Variants in KCNK13 observed in about 807,000 individuals in gnomAD.
The protein encoded by KCNK13 is potassium two pore domain channel subfamily K member 13, also known as potassium channel subfamily K member 13.
Under a neutral mutation model 23.4 loss-of-function variants are expected in KCNK13, and 12 were observed. The ratio of observed to expected loss-of-function variants is 0.51; its 90% CI spans 0.33 to 0.83. The LOEUF (loss-of-function observed/expected upper bound fraction) is 0.83, where lower values mean the gene tolerates loss of function less well. Ranked by LOEUF, KCNK13 falls within the 40% of genes least tolerant of loss-of-function variation. The probability of loss-of-function intolerance (pLI) is 0.02; values close to 1 mark genes in which losing one functional copy is unlikely to be tolerated. For missense variants in KCNK13, 463 were observed against 556.3 expected (o/e 0.83, Z 1.69); for synonymous variants, 231 against 229.5 (o/e 1.01, Z -0.06).
rs1437075761 is a variant in KCNK13 at position 90,184,102 on chromosome 14, C to T, written c.335-9C>T. 6.2e-7 allele frequency: 1 copy of T among 1,606,738 alleles called. No individual in the cohort carries two copies. Reference sequence around the variant, plus strand: ...TCTCTTACTCTTCTCTCATTTTTCTCTCCTGCAGGGTTTGGGATGACAACT... The same window carrying T: ...TCTCTTACTCTTCTCTCATTTTTCTTTCCTGCAGGGTTTGGGATGACAACT... On this transcript the variant is annotated splice_polypyrimidine_tract_variant and intron_variant, in intron 1 of 1. Transcript: ENST00000282146. The surrounding 1 kb of genome is among the most constrained non-coding windows in gnomAD (Gnocchi z 5.6).
rs1889095592 is a variant in KCNK13 at position 90,073,132 on chromosome 14, G to A, written c.334+10593G>A. On this transcript the variant is annotated intron_variant, in intron 1 of 1. Transcript: ENST00000282146. The stretch of plus-strand genomic sequence containing the variant: ...CCTTTAGGGTCCTCGTTGTGGGAAG[G>A]ATCGCCAGTTAAAGTGACCACGTGT... Among the ~76,000 whole-genome samples the A allele has an allele frequency of 1.3e-5, 2 of 152,120 alleles. 1 individual carries two copies. The highest frequency in any genetic ancestry group is 4.8e-5 in the African/African-American group (2 of 41,412).
Position 90,175,455 on chromosome 14 carries a change from C to T in KCNK13, c.335-8656C>T, listed in dbSNP as rs78088164. ...CCCTGCCCTCAATTGGAGGCTGTTC[C>T]TTAAAAATCAAACAGGTTCAACAGC... On this transcript the variant is annotated intron_variant, in intron 1 of 1. Transcript: ENST00000282146. Among the ~76,000 whole-genome samples, 736 of 152,284 alleles carry T rather than the reference C, an allele frequency of 4.8e-3. 8 individuals carry two copies. The highest frequency in any genetic ancestry group is 0.016 in the African/African-American group (684 of 41,558).
Position 90,143,170 on chromosome 14 carries a change from TC to T in KCNK13, c.335-40940del, listed in dbSNP as rs1566644725. ...AACTTTCTTTCTTTCTTTCTTTCTT[TC>T]TTTCTTTTCTTTTCTTTTCTTTCTT... On this transcript the variant is annotated intron_variant, in intron 1 of 1. Coordinates refer to ENST00000282146, the MANE Select transcript of KCNK13 (RefSeq NM_022054.4). Among the ~76,000 whole-genome samples, 12 of 5,498 alleles carry T rather than the reference TC, an allele frequency of 2.2e-3. 1 individual carries two copies. The South Asian group carries it at 0.05, about 23-fold the overall frequency. The allele number at this position is 5,498 out of a possible 152,430, so 3.6% of individuals were successfully genotyped here. A position where few individuals can be genotyped will look rare whatever the true frequency, so the allele number is the denominator to read the frequency against.
At chr14:90,103,876 G>T (rs1260268502) in intron 1 of KCNK13, among the ~76,000 whole-genome samples, 2 of 151,972 alleles carry the variant, frequency 1.3e-5, no homozygotes, top group Admixed American at 6.6e-5. Flanking sequence ...ACAGTTTTTT[G>T]TTGTTGTTGT....
chr14:90,153,149 G>T (rs1825897951), intron 1 of KCNK13, among the ~76,000 whole-genome samples: 1 of 152,132 alleles, frequency 6.6e-6, no homozygotes, highest in African/African-American at 2.4e-5. Flanking sequence ...CTGCCTCCCA[G>T]GGGAAGCCTT....
intron 1 of KCNK13, among the ~76,000 whole-genome samples, chr14:90,183,187 T>A (rs1354391088): frequency 1.3e-5 from 2 of 152,194 alleles, no homozygotes; most frequent in Non-Finnish European, 2.9e-5. Flanking sequence ...ATGTGAACAG[T>A]TAGAGGCAAA....
intron 1 of KCNK13, among the ~76,000 whole-genome samples, chr14:90,172,316 CAAA>C (rs5810487): frequency 5.0e-5 from 7 of 138,926 alleles, no homozygotes; most frequent in African/African-American, 1.6e-4. Context: ...GAGTCTATAT[CAAA>C]AAAAAAAAAA....
chr14:90,180,522 A>G (rs539457844), intron 1 of KCNK13, among the ~76,000 whole-genome samples: 7 of 152,220 alleles, frequency 4.6e-5, no homozygotes, highest in African/African-American at 1.7e-4. Flanking sequence ...CATAAATACC[A>G]CCATTTGTAC....
chr14:90,082,317 G>A (rs1001858235), intron 1 of KCNK13, among the ~76,000 whole-genome samples: 10 of 151,358 alleles, frequency 6.6e-5, no homozygotes, highest in African/African-American at 2.2e-4. Context: ...TGCCTATGTC[G>A]GCCTCCCAAA....
intron 1 of KCNK13, among the ~76,000 whole-genome samples, chr14:90,147,421 T>C: frequency 2.0e-5 from 1 of 49,930 alleles, no homozygotes; most frequent in South Asian, 1.1e-3. Context: ...CTTGTTTTTT[T>C]GGTTGGGATA....
intron 1 of KCNK13, among the ~76,000 whole-genome samples, chr14:90,145,731 G>C (rs1455791173): frequency 6.6e-6 from 1 of 152,114 alleles, no homozygotes; most frequent in African/African-American, 2.4e-5. Context: ...GCCAGGTGTG[G>C]TGGCTCACAC....
Position 90,149,259 on chromosome 14 carries a change from G to A in KCNK13, c.335-34852G>A, listed in dbSNP as rs542922975. On this transcript the variant is annotated intron_variant, in intron 1 of 1. Coordinates refer to ENST00000282146, the MANE Select transcript of KCNK13 (RefSeq NM_022054.4). ...TAGTCCTAGCTACTCGGGAGGCTGA[G>A]GCAGGAGAATCCCTTGAACCTGGGA... Among the ~76,000 whole-genome samples, 10 of 152,268 alleles carry A rather than the reference G, an allele frequency of 6.6e-5. No individual in the cohort carries two copies. The South Asian group carries it at 1.0e-3, about 16-fold the overall frequency.
chr14:90,063,050 A>G (rs1221224283), intron 1 of KCNK13, among the ~76,000 whole-genome samples: 1 of 152,164 alleles, frequency 6.6e-6, no homozygotes, highest in African/African-American at 2.4e-5. Flanking sequence ...GTGAGGAAGC[A>G]AAAGTGCCAA....
intron 1 of KCNK13, among the ~76,000 whole-genome samples, chr14:90,134,360 A>T: frequency 6.6e-6 from 1 of 152,226 alleles, no homozygotes; most frequent in South Asian, 2.1e-4. Context: ...TTGTACGCAG[A>T]GGTAACACTT....
intron 1 of KCNK13, among the ~76,000 whole-genome samples, chr14:90,164,437 A>T (rs1890281398): frequency 1.3e-5 from 2 of 152,382 alleles, no homozygotes; most frequent in Admixed American, 1.3e-4. Context: ...ATCTCTTTAA[A>T]GACTCTTTTA....
At chr14:90,168,332 C>G (rs1036104141) in intron 1 of KCNK13, among the ~76,000 whole-genome samples, 5 of 151,892 alleles carry the variant, frequency 3.3e-5, no homozygotes, top group Non-Finnish European at 7.4e-5. Flanking sequence ...GGTCACACCA[C>G]TGCACTTCAG....
chr14:90,143,181 T>TTTCTTTC lies in KCNK13; in HGVS notation c.335-40928_335-40927insCTTTCTT, dbSNP rs1396134555. ...TTTCTTTCTTTCTTTCTTTCTTTTC[T>TTTCTTTC]TTTCTTTTCTTTCTTTCTTTTCTTT... On this transcript the variant is annotated intron_variant, in intron 1 of 1. Transcript: ENST00000282146. Among the ~76,000 whole-genome samples the TTTCTTTC allele has an allele frequency of 9.0e-4, 48 of 53,170 alleles. 1 individual carries two copies. The highest frequency in any genetic ancestry group is 3.8e-4 in the Non-Finnish European group (8 of 20,990). 34.9% of individuals were successfully genotyped at this position (53,170 alleles called of 152,430 possible).
At chr14:90,082,555 TC>T (rs1206927670) in intron 1 of KCNK13, among the ~76,000 whole-genome samples, 6 of 152,236 alleles carry the variant, frequency 3.9e-5, no homozygotes, top group African/African-American at 1.4e-4. Context: ...CTGACTTCTT[TC>T]ACTTAGCATG....
At position 90,154,586 on chromosome 14, in the gene KCNK13, C is replaced by A. The variant is rs374065957; in HGVS notation, c.335-29525C>A. Among the ~76,000 whole-genome samples, 3 of 152,300 alleles carry A rather than the reference C, an allele frequency of 2.0e-5. No homozygotes were observed. In the East Asian group the frequency reaches 5.8e-4, roughly 29 times the overall value. ...TGGTCAGCCTGTCCAGCTGCCATTG[C>A]GTGATTGGTTACAATGACAGGAGAG... On this transcript the variant is annotated intron_variant, in intron 1 of 1. Coordinates refer to ENST00000282146, the MANE Select transcript of KCNK13 (RefSeq NM_022054.4).
Sources: gnomAD v4.1 joint callset for allele counts (sites outside exome capture counted in the v4.1 genomes callset) on GRCh38, gnomAD v4.1.1 for gene constraint, Gnocchi (gnomAD v3.1) non-coding constraint, MANE v1.5 for transcripts, NCBI Gene and HGNC (gene_info 2026-07-23, HGNC 2026-07-21) for gene names.